The following EPHX2 variants were observed in gnomAD, a reference collection of about 807,000 sequenced individuals.
The protein encoded by EPHX2 is epoxide hydrolase 2.
Under a neutral mutation model 78.7 loss-of-function variants are expected in EPHX2, and 74 were observed. The observed-to-expected ratio is 0.94, with a 90% CI of 0.78 to 1.14. The LOEUF (loss-of-function observed/expected upper bound fraction) is 1.14. EPHX2 is among the 50% of genes most tolerant of loss of function. The pLI, the probability that EPHX2 is intolerant of heterozygous loss-of-function variation, is 0.00. For synonymous variants in EPHX2, 251 were observed against 255.2 expected, an observed-to-expected ratio of 0.98 and a Z score of 0.16; for missense variants, 715 against 702.5, an observed-to-expected ratio of 1.02 and a Z score of -0.20.
At chr8:27,514,650 C>T (rs777453157) in intron 6 of EPHX2, among the ~76,000 whole-genome samples, 2 of 152,180 alleles carry the variant, frequency 1.3e-5, no homozygotes, top group Non-Finnish European at 2.9e-5. Context: ...GACTCCTTCT[C>T]TCTGCTGCCT....
downstream of EPHX2, among the ~76,000 whole-genome samples, chr8:27,547,974 G>C (rs376660158): frequency 3.3e-5 from 5 of 152,244 alleles, no homozygotes; most frequent in East Asian, 9.7e-4. Context: ...ATTCCCCTCT[G>C]CTAAAAGAAA....
chr8:27,534,733 T>C (rs1328660160), intron 12 of EPHX2, among the ~76,000 whole-genome samples: 1 of 152,216 alleles, frequency 6.6e-6, no homozygotes, highest in Non-Finnish European at 1.5e-5. Context: ...TGGATGTGGC[T>C]TTAGGATCTT....
chr8:27,542,711 G>T lies in EPHX2; in HGVS notation c.1450-1038G>T, dbSNP rs140383402. On this transcript the variant is annotated intron_variant, in intron 16 of 18. Transcript: ENST00000521400. ...GGCTAGAATGCAATGGCACGATCTC[G>T]GTTCACTGCAACCTCTGCCCCCTGG... Among the ~76,000 whole-genome samples the T allele has an allele frequency of 4.3e-3, 655 of 152,172 alleles. 6 individuals carry two copies. The highest frequency in any genetic ancestry group is 0.015 in the African/African-American group (628 of 41,498).
intron 1 of EPHX2, among the ~76,000 whole-genome samples, chr8:27,491,740 G>T (rs966427820): frequency 1.3e-5 from 2 of 152,160 alleles, no homozygotes; most frequent in African/African-American, 4.8e-5. Context: ...GGTAGATGGG[G>T]TGTGCAGAGT....
chr8:27,541,353 C>T (rs967787102), intron 15 of EPHX2, 120 bp from the exon 16 acceptor site: 4 of 1,040,828 alleles, frequency 3.8e-6, no homozygotes, highest in Non-Finnish European at 5.8e-6. Flanking sequence ...TTCTCTTGCC[C>T]CTGCAGGAGG....
Position 27,518,037 on chromosome 8 carries a change from G to T in EPHX2, c.911-1G>T. On this transcript the variant is annotated splice_acceptor_variant, in intron 8 of 18. Coordinates refer to ENST00000521400, the MANE Select transcript of EPHX2 (RefSeq NM_001979.6). LOFTEE classifies it high-confidence loss of function. ...TATGTTTCTTTTATTTTTAATTGCAGAAATAGAAGAATATTGCATGGAAGT... is the reference window on the plus strand; with the variant it reads ...TATGTTTCTTTTATTTTTAATTGCATAAATAGAAGAATATTGCATGGAAGT... 5 of 1,588,924 alleles carry T rather than the reference G, an allele frequency of 3.1e-6. No homozygotes were observed. Among genetic ancestry groups the T allele is most frequent in the Non-Finnish European group, 4.3e-6 (5 of 1,165,396 alleles).
At chr8:27,500,181 T>C (rs931712739) in intron 1 of EPHX2, among the ~76,000 whole-genome samples, 1 of 152,174 alleles carries the variant, frequency 6.6e-6, no homozygotes, top group African/African-American at 2.4e-5. Flanking sequence ...GATTTCCTCC[T>C]TGCTGTTCTC....
At chr8:27,520,552 G>T (rs183675980) in intron 9 of EPHX2, among the ~76,000 whole-genome samples, 218 of 152,060 alleles carry the variant, frequency 1.4e-3, no homozygotes, top group African/African-American at 5.0e-3. Flanking sequence ...TCACCATGTT[G>T]GCCAGGATGA....
At chr8:27,493,896 A>G (rs548278419) in intron 1 of EPHX2, among the ~76,000 whole-genome samples, 2 of 152,216 alleles carry the variant, frequency 1.3e-5, no homozygotes, top group African/African-American at 2.4e-5. Flanking sequence ...CCTGTGCTCT[A>G]TTTTCCCATT....
chr8:27,491,605 G>A (rs1027701819), intron 1 of EPHX2, among the ~76,000 whole-genome samples: 3 of 152,202 alleles, frequency 2.0e-5, no homozygotes, highest in Non-Finnish European at 2.9e-5. Context: ...GTCTAATGGG[G>A]TGGCGCTTAA....
chr8:27,510,409 T>C (rs996696174), intron 5 of EPHX2, among the ~76,000 whole-genome samples: 2 of 152,192 alleles, frequency 1.3e-5, no homozygotes, highest in African/African-American at 4.8e-5. Flanking sequence ...GACTCCTTGT[T>C]CAGGAATTTC....
Position 27,505,099 on chromosome 8 carries a change from C to G in EPHX2, c.490C>G (p.Gln164Glu). Reference protein sequence around the residue: ...CQVGMVKPEPQIYKFLLDTLK... With the variant: ...CQVGMVKPEPEIYKFLLDTLK... ...GGTGGGAATGGTCAAACCTGAACCT[C>G]AGATCTACAAGTTTCTGCTGGACAC... Residue 164 changes from glutamine to glutamate, a missense_variant, in exon 4 of 19, where the codon CAG (glutamine) becomes GAG (glutamate). Gln to Glu is a conservative substitution (Grantham distance 29). Transcript: ENST00000521400. 1 of 1,614,030 alleles carries G rather than the reference C, an allele frequency of 6.2e-7. No individual in the cohort carries two copies. The highest frequency in any genetic ancestry group is 8.5e-7 in the Non-Finnish European group (1 of 1,180,006).
At chr8:27,516,586 C>G (rs1229106972) in intron 8 of EPHX2, among the ~76,000 whole-genome samples, 188 bp downstream of exon 8, 6 of 152,152 alleles carry the variant, frequency 3.9e-5, no homozygotes, top group Non-Finnish European at 8.8e-5. Context: ...GCCCCTGCCC[C>G]CCACACTCTG....
rs72475887 is a variant in EPHX2, at chr8:27,522,387, T to A, written c.973-36T>A. 5 of 1,607,604 alleles carry A rather than the reference T, an allele frequency of 3.1e-6. No individual in the cohort carries two copies. The Admixed American group carries it at 6.7e-5, about 21-fold the overall frequency. Reference sequence around the variant, plus strand: ...CTCTCAGCACCCCGTTCCAGAAGCCTCCCCACATTCGGCTCCCTTCTTTTT... The same window carrying A: ...CTCTCAGCACCCCGTTCCAGAAGCCACCCCACATTCGGCTCCCTTCTTTTT... On this transcript the variant is annotated intron_variant, in intron 10 of 18. Transcript: ENST00000521400.
intron 12 of EPHX2, among the ~76,000 whole-genome samples, chr8:27,530,955 G>A (rs1387502205): frequency 6.6e-6 from 1 of 151,680 alleles, no homozygotes; most frequent in African/African-American, 2.4e-5. Context: ...TAGAGATGGG[G>A]TTTCTCCATG....
chr8:27,525,107 T>TGTGTGTGC lies in EPHX2; in HGVS notation c.1059-254_1059-253insTGTGTGCG, dbSNP rs1491544464. Among the ~76,000 whole-genome samples, 196 of 103,472 alleles carry TGTGTGTGC rather than the reference T, an allele frequency of 1.9e-3. 1 individual carries two copies. The highest frequency in any genetic ancestry group is 6.5e-3 in the African/African-American group (179 of 27,624). The allele number at this position is 103,472 out of a possible 152,430, so 67.9% of individuals were successfully genotyped here. A position where few individuals can be genotyped will look rare whatever the true frequency, so the allele number is the denominator to read the frequency against. On this transcript the variant is annotated intron_variant, in intron 11 of 18. Coordinates refer to ENST00000521400, the MANE Select transcript of EPHX2 (RefSeq NM_001979.6). ...GTGTGTGTGTGTGTGTGTGTGTGTG[T>TGTGTGTGC]GCGCGCGCGCGCGCGCACCTATGTG...
intron 11 of EPHX2, among the ~76,000 whole-genome samples, chr8:27,522,814 A>G (rs2132760289): frequency 6.6e-6 from 1 of 152,126 alleles, no homozygotes; most frequent in East Asian, 1.9e-4. Flanking sequence ...TACAAAAACT[A>G]GCCGGGCATG....
intron 11 of EPHX2, among the ~76,000 whole-genome samples, chr8:27,525,122 G>C (rs868566248): frequency 3.8e-4 from 57 of 150,464 alleles, no homozygotes; most frequent in African/African-American, 1.2e-3. Flanking sequence ...GCGCGCGCGC[G>C]CACCTATGTG....
In EPHX2 at chr8:27,516,288, A is replaced by T. The variant is rs112548936; in HGVS notation, c.832-32A>T. 3.9e-5 allele frequency: 63 copies of T among 1,600,484 alleles called. 1 individual carries two copies. The African/African-American group carries it at 6.7e-4, about 17-fold the overall frequency. On this transcript the variant is annotated intron_variant, in intron 7 of 18. Transcript: ENST00000521400. The stretch of plus-strand genomic sequence containing the variant: ...GGAGTATCCGCCTAGGACTGATGGG[A>T]CCATGCTGGAGTGTGCCTGTTTGTT...
Sources: allele counts gnomAD v4.1 joint callset (sites outside exome capture counted in the v4.1 genomes callset), GRCh38; gene constraint gnomAD v4.1.1; transcripts MANE v1.5; gene names NCBI Gene and HGNC (gene_info 2026-07-23, HGNC 2026-07-21).